The following TNPO3 variants were observed in gnomAD, a reference collection of about 807,000 sequenced individuals.
The protein encoded by TNPO3 is transportin-3.
TNPO3 carries 65 observed loss-of-function variants against 122.8 expected under a neutral mutation model. The ratio of observed to expected loss-of-function variants is 0.53; its 90% confidence interval spans 0.43 to 0.65. TNPO3 has a LOEUF of 0.65. Among genes scored for constraint, TNPO3 ranks in the 30% least tolerant of loss-of-function variants. The pLI, the probability that TNPO3 is intolerant of heterozygous loss-of-function variation, is 0.00. For missense variants in TNPO3, 850 were observed against 1,136.7 expected (o/e 0.75, Z 3.63); for synonymous variants, 372 against 411.2 (o/e 0.90, Z 1.15).
At chr7:129,022,137 C>A (rs940882605) in intron 1 of TNPO3, among the ~76,000 whole-genome samples, 4 of 152,050 alleles carry the variant, frequency 2.6e-5, no homozygotes, top group African/African-American at 9.7e-5. Context: ...GTAATCCCAG[C>A]ATTTTAGGAG....
Position 128,970,333 on chromosome 7 carries a change from G to A in TNPO3, c.2431-18C>T. ...TCTTCATGCTGTATGTAGGAAAGCA[G>A]GAACATCAGATAAATTCTAGTCTCA... On this transcript the variant is annotated intron_variant, in intron 19 of 22. Coordinates refer to ENST00000265388, the MANE Select transcript of TNPO3 (RefSeq NM_012470.4). The A allele has an allele frequency of 6.4e-7, 1 of 1,552,110 alleles. No individual in the cohort carries two copies. The highest frequency in any genetic ancestry group is 1.7e-4 in the Middle Eastern group (1 of 5,760).
intron 1 of TNPO3, among the ~76,000 whole-genome samples, chr7:129,022,163 T>C (rs7776477): frequency 0.49 from 74,184 of 151,830 alleles, 18,322 homozygotes; most frequent in African/African-American, 0.51. Context: ...GGTGGGAGGC[T>C]TACTTGAGGC....
At chr7:128,985,546 T>C (rs1252575380) in intron 12 of TNPO3, among the ~76,000 whole-genome samples, 1 of 152,204 alleles carries the variant, frequency 6.6e-6, no homozygotes, top group African/African-American at 2.4e-5. Flanking sequence ...CAGTGAGCTA[T>C]GATCATGCCA....
intron 20 of TNPO3, among the ~76,000 whole-genome samples, chr7:128,969,905 G>T (rs927032895): frequency 6.6e-6 from 1 of 152,168 alleles, no homozygotes; most frequent in Non-Finnish European, 1.5e-5. Flanking sequence ...TTCAATGCTT[G>T]ATACTTACTT....
chr7:129,046,921 G>C (rs2150557754), intron 1 of TNPO3, among the ~76,000 whole-genome samples: 1 of 152,260 alleles, frequency 6.6e-6, no homozygotes, highest in South Asian at 2.1e-4. Context: ...ACCTCTACCT[G>C]GCCCCACCTT....
intron 13 of TNPO3, among the ~76,000 whole-genome samples, chr7:128,982,635 A>G (rs1470526514): frequency 1.3e-5 from 2 of 152,086 alleles, no homozygotes; most frequent in Non-Finnish European, 2.9e-5. Context: ...ATTACATATT[A>G]CATAATATAG....
chr7:128,970,179 A>G lies in TNPO3; in HGVS notation c.2567T>C (p.Val856Ala), dbSNP rs1373919805. 1 of 1,614,094 alleles carries G rather than the reference A, an allele frequency of 6.2e-7. No homozygotes were observed. Among genetic ancestry groups the G allele is most frequent in the Non-Finnish European group, 8.5e-7 (1 of 1,180,036 alleles). ...GTCAACCTGCATGATCTCCCAGAGC[A>G]CTTCAGCCACATCTGGTAGGGTATA... ...PPYTLPDVAE[V>A]LWEIMQVDRP... Residue 856 changes from valine (V) to alanine (A), a missense_variant, in exon 20 of 23, where the codon GTG becomes GCG. Physicochemically the swap from Val to Ala is moderately conservative, Grantham distance 64 (BLOSUM62 0). Transcript: ENST00000265388.
chr7:129,053,636 A>G (rs997633543), intron 1 of TNPO3, among the ~76,000 whole-genome samples: 1 of 152,138 alleles, frequency 6.6e-6, no homozygotes, highest in Non-Finnish European at 1.5e-5. Context: ...AGTATCAGTT[A>G]TGAGTTAAAA....
At chr7:129,050,041 T>C (rs912770575) in intron 1 of TNPO3, among the ~76,000 whole-genome samples, 40 of 152,048 alleles carry the variant, frequency 2.6e-4, no homozygotes, top group African/African-American at 8.7e-4. Context: ...CTGGGCAATA[T>C]AGCGAGACCC....
chr7:128,967,365 A>C lies in TNPO3; in HGVS notation c.2626T>G (p.Leu876Val). The change falls in exon 21 of 23, where the codon TTA becomes GTA. Residue 876 changes from leucine (L) to valine (V), a missense_variant. By Grantham distance (32) the Leu-to-Val change is conservative. Coordinates refer to ENST00000265388, the MANE Select transcript of TNPO3 (RefSeq NM_012470.4). ...GTTGTTTCCTTTGGCAAACCTTTTAAGGAATTTTCTAACCATCGACAAAAA... is the reference window on the plus strand; with the variant it reads ...GTTGTTTCCTTTGGCAAACCTTTTACGGAATTTTCTAACCATCGACAAAAA... ...PTFCRWLENS[L>V]KGLPKETTVG... 1 of 1,613,944 alleles carries C rather than the reference A, an allele frequency of 6.2e-7. No homozygotes were observed. Among genetic ancestry groups the C allele is most frequent in the East Asian group, 2.2e-5 (1 of 44,880 alleles).
chr7:128,973,994 C>T (rs1798791071), intron 18 of TNPO3, among the ~76,000 whole-genome samples: 2 of 150,890 alleles, frequency 1.3e-5, no homozygotes, highest in Admixed American at 1.3e-4. Context: ...ATCAACATGG[C>T]AAAACCCCGT....
intron 1 of TNPO3, among the ~76,000 whole-genome samples, chr7:129,035,950 CTTTTTTT>C (rs71162551): frequency 8.3e-6 from 1 of 119,938 alleles, no homozygotes. Flanking sequence ...CTTTTCTTTT[CTTTTTTT>C]TTTTTTTTTT....
intron 15 of TNPO3, 21 bp downstream of exon 15, chr7:128,979,950 C>G (rs773738285): frequency 9.9e-6 from 16 of 1,611,798 alleles, no homozygotes; most frequent in Non-Finnish European, 1.2e-5. Flanking sequence ...CTTGATTCCA[C>G]AAGCATCCAT....
intron 9 of TNPO3, among the ~76,000 whole-genome samples, chr7:128,992,502 C>G (rs775096494): frequency 6.6e-6 from 1 of 152,110 alleles, no homozygotes; most frequent in Non-Finnish European, 1.5e-5. Flanking sequence ...TCTGCATCAA[C>G]ACTGGTAGTA....
chr7:129,048,895 A>G (rs1808372427), intron 1 of TNPO3, among the ~76,000 whole-genome samples: 1 of 152,236 alleles, frequency 6.6e-6, no homozygotes, highest in African/African-American at 2.4e-5. Flanking sequence ...TATTTCTTCA[A>G]CTATGGGTAT....
chr7:129,040,470 C>T (rs904343577), intron 1 of TNPO3, among the ~76,000 whole-genome samples: 6 of 152,014 alleles, frequency 3.9e-5, no homozygotes, highest in Non-Finnish European at 8.8e-5. Flanking sequence ...AAGAGGCATT[C>T]AGGTATCTGC....
intron 12 of TNPO3, among the ~76,000 whole-genome samples, chr7:128,985,890 C>T (rs1055575667): frequency 6.6e-6 from 1 of 152,218 alleles, no homozygotes; most frequent in African/African-American, 2.4e-5. Flanking sequence ...AAGCCATCCA[C>T]TCTTGCCAAG....
chr7:128,972,296 C>CCACT, intron 19 of TNPO3, 130 bp downstream of exon 19: 1 of 1,044,182 alleles, frequency 9.6e-7, no homozygotes, highest in South Asian at 1.7e-5. Flanking sequence ...AGTGAATGAT[C>CCACT]CACTATGATA....
Position 128,984,204 on chromosome 7 carries a change from A to G in TNPO3, c.1746T>C (p.Ser582=). ...CCATAACCTGAACAGAACATAGTTC[A>G]CTAAGACATTCGGTAATCTTATCCA... ...LPLDKITECL[S]ELCSVQVMAL... is the part of the protein sequence containing the mutation. Residue 582 remains serine, a synonymous_variant, in exon 13 of 23, where the codon AGT becomes AGC. Coordinates refer to ENST00000265388, the MANE Select transcript of TNPO3 (RefSeq NM_012470.4). 1 of 1,613,216 alleles carries G rather than the reference A, an allele frequency of 6.2e-7. No individual in the cohort carries two copies. The highest frequency in any genetic ancestry group is 8.5e-7 in the Non-Finnish European group (1 of 1,179,610).
Sources: gnomAD v4.1 joint callset for allele counts (sites outside exome capture counted in the v4.1 genomes callset) on GRCh38, gnomAD v4.1.1 for gene constraint, MANE v1.5 for transcripts, NCBI Gene and HGNC (gene_info 2026-07-23, HGNC 2026-07-21) for gene names.